The following ACSF3 variants were observed in gnomAD, a reference collection of about 807,000 sequenced individuals.
ACSF3 encodes the protein acyl-CoA synthetase family member 3, also known as malonate--CoA ligase ACSF3, mitochondrial.
In ACSF3, 78 loss-of-function variants were observed where a neutral mutation model predicts 53.2. The observed-to-expected ratio is 1.47, with a 90% CI of 1.22 to 1.77. ACSF3 has a LOEUF of 1.77. Among genes scored for constraint, ACSF3 ranks in the 40% most tolerant of loss-of-function variants. ACSF3 has a pLI of 0.00. For synonymous variants in ACSF3, 414 were observed against 333.1 expected (o/e 1.24, Z -2.65); for missense variants, 937 against 771.1 (o/e 1.22, Z -2.55).
At chr16:89,100,572 T>A (rs922151381) in intron 2 of ACSF3, 90 bp from the exon 3 acceptor site, 2 of 1,282,354 alleles carry the variant, frequency 1.6e-6, no homozygotes, top group African/African-American at 2.9e-5. Flanking sequence ...CGTACCTGGC[T>A]GGGTACTGGG....
intron 8 of ACSF3, among the ~76,000 whole-genome samples, chr16:89,144,787 A>G (rs1912574450): frequency 6.6e-6 from 1 of 152,226 alleles, no homozygotes; most frequent in South Asian, 2.1e-4. Context: ...GGGAGGGTAA[A>G]GCATCAGACC....
intron 6 of ACSF3, among the ~76,000 whole-genome samples, chr16:89,116,262 G>T (rs1362667404): frequency 1.3e-5 from 2 of 152,188 alleles, no homozygotes; most frequent in Non-Finnish European, 2.9e-5. Context: ...TGAGGGGTCG[G>T]CTCCTGGGCT....
At chr16:89,136,755 T>G (rs1470429055) in intron 8 of ACSF3, 1 of 1,287,152 alleles carries the variant, frequency 7.8e-7, no homozygotes, top group Non-Finnish European at 1.0e-6. Context: ...CGCTTCTGCC[T>G]CAAGATCACA....
Position 89,116,260 on chromosome 16 carries a change from C to T in ACSF3, c.1126+1773C>T, listed in dbSNP as rs144744007. Among the ~76,000 whole-genome samples, 568 of 152,342 alleles carry T rather than the reference C, an allele frequency of 3.7e-3. 2 individuals carry two copies. The Middle Eastern group carries it at 0.051, about 14-fold the overall frequency. ...GAAAGTCCGTCGACTCCTGAGGGGTCGGCTCCTGGGCTCTGCTCTGTCCCA... is the reference window on the plus strand; with the variant it reads ...GAAAGTCCGTCGACTCCTGAGGGGTTGGCTCCTGGGCTCTGCTCTGTCCCA... On this transcript the variant is annotated intron_variant, in intron 6 of 10. Coordinates refer to ENST00000614302, the MANE Select transcript of ACSF3 (RefSeq NM_001243279.3).
chr16:89,095,945 A>C (rs1207586615), intron 1 of ACSF3, among the ~76,000 whole-genome samples: 1 of 152,068 alleles, frequency 6.6e-6, no homozygotes, highest in East Asian at 1.9e-4. Flanking sequence ...CCAGCACTCC[A>C]GTTAGGAGGG....
In ACSF3 at chr16:89,155,856, T is replaced by G; in HGVS notation, c.*1649T>G. On this transcript the variant is annotated 3_prime_UTR_variant, in exon 11 of 11. Transcript: ENST00000614302. ...TGCTTTATCCGATAGTATACATCAG[T>G]ATATCATGCTTTCGAAATAATGAGT... The G allele has an allele frequency of 2.3e-6, 1 of 431,342 alleles. No individual in the cohort carries two copies. Among genetic ancestry groups the G allele is most frequent in the Non-Finnish European group, 4.6e-6 (1 of 216,154 alleles). The allele number at this position is 431,342 out of a possible 1,614,324, so 26.7% of individuals were successfully genotyped here.
At chr16:89,123,936 C>T (rs544487280) in intron 7 of ACSF3, among the ~76,000 whole-genome samples, 68 of 152,302 alleles carry the variant, frequency 4.5e-4, no homozygotes, top group Non-Finnish European at 7.9e-4. Flanking sequence ...GCACGGGTAT[C>T]ACAGATACAC....
In ACSF3 at chr16:89,145,284, A is replaced by T; in HGVS notation, c.1384A>T (p.Lys462Ter). ...TTCCTCAGGGGACACCGTGGTGTTTAAGGATGGCCAGTACTGGATCCGAGG... is the reference window on the plus strand; with the variant it reads ...TTCCTCAGGGGACACCGTGGTGTTTTAGGATGGCCAGTACTGGATCCGAGG... ...WFKTGDTVVF[K>*]DGQYWIRGRT... is the part of the protein sequence containing the mutation. The change falls in exon 9 of 11, where the codon AAG becomes TAG. Residue 462 changes from lysine (K) to a stop codon, truncating the protein, a stop_gained. Coordinates refer to ENST00000614302, the MANE Select transcript of ACSF3 (RefSeq NM_001243279.3). LOFTEE classifies it high-confidence loss of function. 6.2e-7 allele frequency: 1 copy of T among 1,614,120 alleles called. No homozygotes were observed.
rs112312969 is a variant in ACSF3, at chr16:89,127,289, G to A, written c.1240-5847G>A. Among the ~76,000 whole-genome samples, 329 of 152,066 alleles carry A rather than the reference G, an allele frequency of 2.2e-3. 2 individuals carry two copies. The highest frequency in any genetic ancestry group is 7.5e-3 in the African/African-American group (313 of 41,484). On this transcript the variant is annotated intron_variant, in intron 7 of 10. Transcript: ENST00000614302. ...TTCTGGAAGAGATTGTGTAGAATTGGTATTATTTCTTCTTTCAATGATTGG... is the reference window on the plus strand; with the variant it reads ...TTCTGGAAGAGATTGTGTAGAATTGATATTATTTCTTCTTTCAATGATTGG...
intron 7 of ACSF3, among the ~76,000 whole-genome samples, chr16:89,124,581 CTGTG>C (rs918863274): frequency 2.4e-4 from 36 of 151,526 alleles, no homozygotes; most frequent in African/African-American, 7.8e-4. Flanking sequence ...CATGCGCACA[CTGTG>C]TGTGTGATAC....
At position 89,148,002 on chromosome 16, in the gene ACSF3, AAG is replaced by A. The variant is rs796854731; in HGVS notation, c.1613+1958_1613+1959del. On this transcript the variant is annotated intron_variant, in intron 10 of 10. Coordinates refer to ENST00000614302, the MANE Select transcript of ACSF3 (RefSeq NM_001243279.3). ...CATTGGGTAAATACACCAGTGCCAA[AAG>A]AGAGCCGCCAGCCAAAACAAAGGGG... 90 of 152,312 alleles carry A rather than the reference AAG, an allele frequency of 5.9e-4. 1 individual carries two copies. Among genetic ancestry groups the A allele is most frequent in the African/African-American group, 2.0e-3 (85 of 41,552 alleles). 9.4% of individuals were successfully genotyped at this position (152,312 alleles called of 1,614,324 possible).
In ACSF3 at chr16:89,155,176, C is replaced by T. The variant is rs1380627921; in HGVS notation, c.*969C>T. The T allele has an allele frequency of 2.2e-6, 1 of 454,172 alleles. No individual in the cohort carries two copies. The highest frequency in any genetic ancestry group is 2.3e-5 in the Admixed American group (1 of 42,578). The allele number at this position is 454,172 out of a possible 1,614,324, so 28.1% of individuals were successfully genotyped here. A position where few individuals can be genotyped will look rare whatever the true frequency, so the allele number is the denominator to read the frequency against. On this transcript the variant is annotated 3_prime_UTR_variant, in exon 11 of 11. Transcript: ENST00000614302. ...GGCCACATGCAGAATCCAGAAGTTTCTGGACAATTTTCAGAAGAATAGGCT... is the reference window on the plus strand; with the variant it reads ...GGCCACATGCAGAATCCAGAAGTTTTTGGACAATTTTCAGAAGAATAGGCT...
chr16:89,115,919 CA>C (rs1420527620), intron 6 of ACSF3, among the ~76,000 whole-genome samples: 1 of 152,198 alleles, frequency 6.6e-6, no homozygotes, highest in Non-Finnish European at 1.5e-5. Flanking sequence ...TTTTAAATAT[CA>C]TCTCCCAGCT....
At chr16:89,131,170 G>A (rs1307272972) in intron 7 of ACSF3, among the ~76,000 whole-genome samples, 11 of 109,182 alleles carry the variant, frequency 1.0e-4, no homozygotes, top group South Asian at 3.2e-4. Flanking sequence ...GTCTCACTCC[G>A]TCACCTAGGC....
At chr16:89,122,345 G>A in intron 7 of ACSF3, 1 of 401,246 alleles carries the variant, frequency 2.5e-6, no homozygotes, top group Non-Finnish European at 5.0e-6. Flanking sequence ...GCTGCCCCTT[G>A]CTATACCCAC....
intron 6 of ACSF3, chr16:89,115,323 G>C (rs944796451): frequency 2.4e-4 from 36 of 152,510 alleles, no homozygotes; most frequent in African/African-American, 8.7e-4. Flanking sequence ...CTAGTGCTCA[G>C]CACCTCCTCC....
intron 10 of ACSF3, 89 bp downstream of exon 10, chr16:89,146,138 T>G: frequency 1.0e-6 from 1 of 961,534 alleles, no homozygotes; most frequent in Non-Finnish European, 1.6e-6. Context: ...ATCGTCCGTC[T>G]TAGAGGTGGA....
At chr16:89,136,675 T>A (rs1456763460) in intron 8 of ACSF3, 1 of 1,287,122 alleles carries the variant, frequency 7.8e-7, no homozygotes, top group Non-Finnish European at 1.0e-6. Flanking sequence ...CGGGTCAGGA[T>A]GAGAGGAGAG....
chr16:89,129,449 G>C (rs979055489), intron 7 of ACSF3, among the ~76,000 whole-genome samples: 4 of 151,908 alleles, frequency 2.6e-5, no homozygotes, highest in African/African-American at 7.3e-5. Context: ...TTCTCGGTTG[G>C]AGTTTGCATG....
Sources: allele counts gnomAD v4.1 joint callset (sites outside exome capture counted in the v4.1 genomes callset), GRCh38; gene constraint gnomAD v4.1.1; transcripts MANE v1.5; gene names NCBI Gene and HGNC (gene_info 2026-07-23, HGNC 2026-07-21).